Variants in KAZN observed in about 807,000 individuals in gnomAD.
The protein encoded by KAZN is kazrin.
In KAZN, 40 loss-of-function variants were observed where a neutral mutation model predicts 87.4. That is an observed-to-expected ratio of 0.46 (90% CI 0.36 to 0.60). The LOEUF is 0.60. Ranked by LOEUF, KAZN falls within the 20% of genes least tolerant of loss-of-function variation. The probability of loss-of-function intolerance (pLI) is 0.00; values close to 1 mark genes in which losing one functional copy is unlikely to be tolerated. For synonymous variants in KAZN, 466 were observed against 458.3 expected (o/e 1.02, Z -0.22); for missense variants, 898 against 1,073.9 (o/e 0.84, Z 2.29).
At chr1:14,063,733 G>A (rs1642888546) in intron 1 of KAZN, among the ~76,000 whole-genome samples, 1 of 152,102 alleles carries the variant, frequency 6.6e-6, no homozygotes, top group Non-Finnish European at 1.5e-5. Flanking sequence ...TCAAGGGTGG[G>A]GCCAGGTGGA....
intron 2 of KAZN, among the ~76,000 whole-genome samples, chr1:14,532,649 G>A (rs1219275245): frequency 9.2e-5 from 11 of 119,874 alleles, no homozygotes; most frequent in African/African-American, 3.4e-4. Context: ...TCCCTAGAGT[G>A]TAATGTTCCC....
At chr1:15,063,939 G>A (rs979259614) in intron 7 of KAZN, among the ~76,000 whole-genome samples, 1 of 152,230 alleles carries the variant, frequency 6.6e-6, no homozygotes, top group Non-Finnish European at 1.5e-5. Flanking sequence ...GCTGGGGCCT[G>A]AGCCAGTCTC....
In KAZN at chr1:14,736,258, T is replaced by G. The variant is rs61774081; in HGVS notation, c.226+137035T>G. Among the ~76,000 whole-genome samples the G allele has an allele frequency of 7.1e-3, 334 of 47,106 alleles. 1 individual carries two copies. Among genetic ancestry groups the G allele is most frequent in the Non-Finnish European group, 7.8e-3 (161 of 20,674 alleles). The allele number at this position is 47,106 out of a possible 152,430, so 30.9% of individuals were successfully genotyped here. ...GGGGCTCATGTGGGACTCAAGGGTG[T>G]GTGTGTGTGTGTGTGTGTGTGTGTG... On this transcript the variant is annotated intron_variant, in intron 1 of 14. Transcript: ENST00000376030.
chr1:14,838,773 C>T (rs970612282), intron 1 of KAZN, among the ~76,000 whole-genome samples: 1 of 152,112 alleles, frequency 6.6e-6, no homozygotes, highest in Non-Finnish European at 1.5e-5. Flanking sequence ...AGGCGCTTGC[C>T]ACCACACCTG....
chr1:14,333,460 G>A (rs112597903), intron 2 of KAZN, among the ~76,000 whole-genome samples: 2 of 152,286 alleles, frequency 1.3e-5, no homozygotes, highest in African/African-American at 4.8e-5. Flanking sequence ...CAGGGCCCTG[G>A]TGCAAGACTC....
At chr1:14,404,972 G>C (rs546544512) in intron 2 of KAZN, among the ~76,000 whole-genome samples, 1 of 152,156 alleles carries the variant, frequency 6.6e-6, no homozygotes, top group Non-Finnish European at 1.5e-5. Context: ...GCTCCTCCTG[G>C]AATTCTATGC....
At chr1:14,922,819 A>G (rs573879295) in intron 1 of KAZN, among the ~76,000 whole-genome samples, 2 of 145,940 alleles carry the variant, frequency 1.4e-5, no homozygotes, top group East Asian at 4.0e-4. Context: ...AAAAAGTGCC[A>G]GCTAGACAGG....
chr1:13,933,275 A>G (rs1237819856), intron 1 of KAZN, among the ~76,000 whole-genome samples: 1 of 151,902 alleles, frequency 6.6e-6, no homozygotes, highest in Non-Finnish European at 1.5e-5. Flanking sequence ...GGTGTATCAC[A>G]TGAGGTCAGG....
chr1:14,873,013 T>TGGAC (rs1652333401), intron 1 of KAZN, among the ~76,000 whole-genome samples: 1 of 150,404 alleles, frequency 6.6e-6, no homozygotes, highest in Admixed American at 6.6e-5. Context: ...GATGGATGGA[T>TGGAC]GGATGGATGG....
At chr1:15,048,837 T>C (rs1376549908) in intron 4 of KAZN, among the ~76,000 whole-genome samples, 2 of 150,198 alleles carry the variant, frequency 1.3e-5, no homozygotes, top group African/African-American at 5.0e-5. Flanking sequence ...GCTGGGTCGT[T>C]GGTCCTGGGT....
At chr1:15,110,489 GTATGTA>G (rs776848672) in intron 13 of KAZN, among the ~76,000 whole-genome samples, 2 of 64,138 alleles carry the variant, frequency 3.1e-5, no homozygotes, top group African/African-American at 4.6e-5. Flanking sequence ...ATTTGTGTGT[GTATGTA>G]TGTGTGTGTA....
intron 2 of KAZN, among the ~76,000 whole-genome samples, chr1:14,985,628 T>C (rs1286208441): frequency 2.0e-5 from 3 of 152,170 alleles, no homozygotes; most frequent in Non-Finnish European, 2.9e-5. Flanking sequence ...ATGTGATGCT[T>C]TGAGAACACA....
chr1:14,786,450 G>C (rs559497867), intron 1 of KAZN, among the ~76,000 whole-genome samples: 1 of 152,106 alleles, frequency 6.6e-6, no homozygotes, highest in Non-Finnish European at 1.5e-5. Flanking sequence ...TTCCTCAATC[G>C]TACGTCCTTT....
At chr1:15,065,942 G>T in intron 8 of KAZN, 189 bp downstream of exon 8, 3 of 1,405,612 alleles carry the variant, frequency 2.1e-6, no homozygotes, top group East Asian at 2.7e-5. Context: ...GTGGCCGAGC[G>T]CCTCTAACAA....
chr1:14,796,844 G>A (rs1202758749), intron 1 of KAZN, among the ~76,000 whole-genome samples: 1 of 152,308 alleles, frequency 6.6e-6, no homozygotes, highest in South Asian at 2.1e-4. Context: ...CAACCTGCCC[G>A]TTTCTCCACA....
At chr1:15,048,353 C>G (rs1673809374) in intron 4 of KAZN, among the ~76,000 whole-genome samples, 1 of 152,228 alleles carries the variant, frequency 6.6e-6, no homozygotes, top group South Asian at 2.1e-4. Flanking sequence ...CCTGATTGAA[C>G]CAGGCATTAC....
At chr1:14,968,987 T>C (rs1265283218) in intron 2 of KAZN, among the ~76,000 whole-genome samples, 1 of 152,192 alleles carries the variant, frequency 6.6e-6, no homozygotes, top group Non-Finnish European at 1.5e-5. Flanking sequence ...GTCTATCCCA[T>C]AGGCATTCCT....
intron 2 of KAZN, among the ~76,000 whole-genome samples, chr1:14,983,558 C>T (rs1312997810): frequency 2.0e-5 from 3 of 152,196 alleles, no homozygotes; most frequent in Non-Finnish European, 4.4e-5. Flanking sequence ...CCCTTTGACT[C>T]ATCACTGCTA....
intron 2 of KAZN, among the ~76,000 whole-genome samples, chr1:15,022,803 G>A (rs866919095): frequency 1.3e-5 from 2 of 152,224 alleles, no homozygotes; most frequent in African/African-American, 2.4e-5. Flanking sequence ...TCATGCACCT[G>A]TCTGACTCAT....
Sources: gnomAD v4.1 joint callset for allele counts (sites outside exome capture counted in the v4.1 genomes callset) on GRCh38, gnomAD v4.1.1 for gene constraint, MANE v1.5 for transcripts, NCBI Gene and HGNC (gene_info 2026-07-23, HGNC 2026-07-21) for gene names.